The following ADAM22 variants were observed in gnomAD, a reference collection of about 807,000 sequenced individuals.
The protein encoded by ADAM22 is ADAM metallopeptidase domain 22.
Under a neutral mutation model 144.6 loss-of-function variants are expected in ADAM22, and 65 were observed. The ratio of observed to expected loss-of-function variants is 0.45; its 90% CI spans 0.37 to 0.55. The LOEUF is 0.55. ADAM22 is among the 20% of genes least tolerant of loss of function. ADAM22 has a pLI of 0.00. For missense variants in ADAM22, 974 were observed against 1,184.9 expected (o/e 0.82, Z 2.61); for synonymous variants, 391 against 412.6 (o/e 0.95, Z 0.63).
intron 1 of ADAM22, 135 bp from the exon 2 acceptor site, chr7:87,934,891 T>G: frequency 2.4e-6 from 3 of 1,239,530 alleles, no homozygotes; most frequent in East Asian, 2.4e-5. Flanking sequence ...TCCTTCCCAG[T>G]TGGGTTCCGA....
rs139674962 is a variant in ADAM22, at chr7:87,942,620, C to T, written c.246+7434C>T. ...GACAATAGTGAAGAAGCTTGCAGAG[C>T]ACAACAGGAATGTTTCATTTTTATT... On this transcript the variant is annotated intron_variant, in intron 2 of 31. Transcript: ENST00000413139. 5.3e-3 allele frequency among the ~76,000 whole-genome samples: 814 copies of T among 152,200 alleles called. 9 individuals are homozygous for T. Among genetic ancestry groups the T allele is most frequent in the African/African-American group, 0.019 (774 of 41,526 alleles).
chr7:88,012,543 A>G (rs1341559778), intron 3 of ADAM22, among the ~76,000 whole-genome samples: 1 of 152,166 alleles, frequency 6.6e-6, no homozygotes, highest in Non-Finnish European at 1.5e-5. Flanking sequence ...AGTTTCAGGT[A>G]CTTCTAATGT....
intron 20 of ADAM22, among the ~76,000 whole-genome samples, chr7:88,152,096 A>G (rs1838556336): frequency 6.6e-6 from 1 of 152,162 alleles, no homozygotes; most frequent in Admixed American, 6.6e-5. Flanking sequence ...TAGGAGGGGA[A>G]GTGTATGCTC....
chr7:88,047,218 C>A (rs1353087077), intron 3 of ADAM22, among the ~76,000 whole-genome samples: 1 of 152,188 alleles, frequency 6.6e-6, no homozygotes, highest in Non-Finnish European at 1.5e-5. Flanking sequence ...GGTATTATTT[C>A]CTCAACTTAA....
chr7:88,042,468 T>C (rs1203021563), intron 3 of ADAM22, among the ~76,000 whole-genome samples: 2 of 152,084 alleles, frequency 1.3e-5, no homozygotes, highest in Non-Finnish European at 2.9e-5. Flanking sequence ...TGCTTATAGC[T>C]ATTGAGATCA....
intron 24 of ADAM22, 30 bp downstream of exon 24, chr7:88,165,976 GT>G (rs1442785292): frequency 7.3e-6 from 11 of 1,502,854 alleles, no homozygotes; most frequent in Non-Finnish European, 9.1e-6. Flanking sequence ...ACATTATGTA[GT>G]CTTTATACAC....
At chr7:87,982,852 C>T (rs1213330391) in intron 3 of ADAM22, among the ~76,000 whole-genome samples, 21 of 150,342 alleles carry the variant, frequency 1.4e-4, no homozygotes, top group East Asian at 7.8e-4. Context: ...CCACAACACC[C>T]GGCTAATTTT....
chr7:88,068,094 A>G (rs1285548555), intron 3 of ADAM22, among the ~76,000 whole-genome samples: 1 of 152,164 alleles, frequency 6.6e-6, no homozygotes, highest in Non-Finnish European at 1.5e-5. Context: ...ATGGATGGTT[A>G]ATTCTCAGTG....
intron 3 of ADAM22, among the ~76,000 whole-genome samples, chr7:87,995,167 G>A (rs1325995389): frequency 1.3e-5 from 2 of 152,174 alleles, no homozygotes; most frequent in Non-Finnish European, 2.9e-5. Flanking sequence ...AGAAATAACA[G>A]ATGTTAATCT....
At position 88,145,266 on chromosome 7, in the gene ADAM22, T is replaced by A. The variant is rs534008354; in HGVS notation, c.1392+70T>A. On this transcript the variant is annotated intron_variant, in intron 16 of 31. Coordinates refer to ENST00000413139, the MANE Select transcript of ADAM22 (RefSeq NM_001324418.2). ...GTCATTCCAGGTCCACACACTGAGA[T>A]GTATGGAGCAAATGTCATGCCTGGA... 3.2e-6 allele frequency: 5 copies of A among 1,545,576 alleles called. No homozygotes were observed. In the South Asian group the frequency reaches 3.4e-5, roughly 11 times the overall value.
At chr7:88,032,201 G>A (rs1045910066) in intron 3 of ADAM22, among the ~76,000 whole-genome samples, 1 of 152,190 alleles carries the variant, frequency 6.6e-6, no homozygotes, top group African/African-American at 2.4e-5. Flanking sequence ...CCATGCACCT[G>A]GAAAAGCTGC....
At chr7:88,079,026 C>G (rs1815615720) in intron 4 of ADAM22, among the ~76,000 whole-genome samples, 1 of 152,092 alleles carries the variant, frequency 6.6e-6, no homozygotes, top group African/African-American at 2.4e-5. Flanking sequence ...AGAAGAGCAA[C>G]TCCAAGACAC....
chr7:88,021,278 A>G (rs760698149), intron 3 of ADAM22, among the ~76,000 whole-genome samples: 1 of 152,214 alleles, frequency 6.6e-6, no homozygotes, highest in Non-Finnish European at 1.5e-5. Flanking sequence ...TGCAAAAGCA[A>G]CCATTTCACC....
At chr7:87,997,390 A>G (rs180877374) in intron 3 of ADAM22, among the ~76,000 whole-genome samples, 1 of 152,352 alleles carries the variant, frequency 6.6e-6, no homozygotes, top group African/African-American at 2.4e-5. Context: ...ACCAATACAC[A>G]TTTATTATCT....
chr7:88,161,037 A>T (rs1028211465), intron 22 of ADAM22, among the ~76,000 whole-genome samples: 1 of 152,050 alleles, frequency 6.6e-6, no homozygotes, highest in Non-Finnish European at 1.5e-5. Flanking sequence ...TGGGTGCAGC[A>T]CACCAGCATG....
chr7:87,992,749 T>A (rs1222318193), intron 3 of ADAM22, among the ~76,000 whole-genome samples: 1 of 152,122 alleles, frequency 6.6e-6, no homozygotes, highest in Non-Finnish European at 1.5e-5. Context: ...AGATTCATGA[T>A]CTCGTATAAC....
chr7:87,967,117 A>G (rs965670530), intron 2 of ADAM22, among the ~76,000 whole-genome samples: 1 of 152,120 alleles, frequency 6.6e-6, no homozygotes, highest in Admixed American at 6.5e-5. Context: ...CCCTTCTGCC[A>G]TGACTGTAAG....
intron 29 of ADAM22, among the ~76,000 whole-genome samples, chr7:88,183,868 G>A (rs910544067): frequency 1.7e-4 from 25 of 147,818 alleles, no homozygotes; most frequent in African/African-American, 3.5e-4. Flanking sequence ...ACACACACAC[G>A]TATATATTTT....
chr7:88,094,347 G>A (rs1472680386), intron 4 of ADAM22, among the ~76,000 whole-genome samples: 1 of 152,190 alleles, frequency 6.6e-6, no homozygotes, highest in African/African-American at 2.4e-5. Context: ...TGAAATGGGA[G>A]CAGAACAACT....
Sources: gnomAD v4.1 joint callset for allele counts (sites outside exome capture counted in the v4.1 genomes callset) on GRCh38, gnomAD v4.1.1 for gene constraint, MANE v1.5 for transcripts, NCBI Gene and HGNC (gene_info 2026-07-23, HGNC 2026-07-21) for gene names.